The following GAB2 variants were observed in gnomAD, a reference collection of about 807,000 sequenced individuals.
GAB2 encodes GRB2-associated-binding protein 2.
Under a neutral mutation model 65.5 loss-of-function variants are expected in GAB2, and 26 were observed. The ratio of observed to expected loss-of-function variants is 0.40; its 90% CI spans 0.29 to 0.55. GAB2 has a LOEUF of 0.55. Among genes scored for constraint, GAB2 ranks in the 20% least tolerant of loss-of-function variants. The pLI, the probability that GAB2 is intolerant of heterozygous loss-of-function variation, is 0.53. For synonymous variants in GAB2, 321 were observed against 329.6 expected (o/e 0.97, Z 0.28); for missense variants, 884 against 875.8 (o/e 1.01, Z -0.12).
intron 7 of GAB2, 37 bp downstream of exon 7, chr11:78,222,068 C>A: frequency 7.2e-7 from 1 of 1,383,328 alleles, no homozygotes; most frequent in African/African-American, 1.4e-5. Context: ...CCTAATGGCC[C>A]GACTCCAAGC....
At chr11:78,324,876 A>C (rs1855794933) in intron 1 of GAB2, 1 of 152,192 alleles carries the variant, frequency 6.6e-6, no homozygotes. Flanking sequence ...GCTAATCTAA[A>C]GTCATTAATT....
In GAB2 at chr11:78,223,470, G is replaced by C. The variant is rs1308890517; in HGVS notation, c.1509C>G (p.Ser503Arg). The change falls in exon 6 of 10, where the codon AGC becomes AGG. Residue 503 changes from serine to arginine, a missense_variant. Physicochemically the swap from Ser to Arg is moderately radical, Grantham distance 110. Coordinates refer to ENST00000361507, the MANE Select transcript of GAB2 (RefSeq NM_080491.3). The stretch of plus-strand genomic sequence containing the variant: ...GGGGTGGCTGAATCTCACTTCCTCT[G>C]CTGGGGCCTCGGTGCACAGGAAGGG... ...STTLPVHRGP[S>R]RGSEIQPPPV... 1.4e-5 allele frequency: 23 copies of C among 1,598,546 alleles called. No homozygotes were observed. In the East Asian group the frequency reaches 5.2e-4, roughly 36 times the overall value.
Position 78,339,089 on chromosome 11 carries a change from AT to A in GAB2, c.76-58189del, listed in dbSNP as rs1355253830. Among the ~76,000 whole-genome samples the A allele has an allele frequency of 4.7e-5, 7 of 149,916 alleles. No homozygotes were observed. The South Asian group carries it at 6.4e-4, about 14-fold the overall frequency. Reference sequence around the variant, plus strand: ...AGGCATGTGTCACCACACCCAGCTAATTTTTTTTTTATTTTTAGTAGAGATA... The same window carrying A: ...AGGCATGTGTCACCACACCCAGCTAATTTTTTTTTATTTTTAGTAGAGATA... On this transcript the variant is annotated intron_variant, in intron 1 of 9. Transcript: ENST00000361507.
intron 1 of GAB2, among the ~76,000 whole-genome samples, chr11:78,410,105 C>G (rs1162228756): frequency 6.6e-6 from 1 of 152,064 alleles, no homozygotes; most frequent in Non-Finnish European, 1.5e-5. Context: ...TGCAATTTAT[C>G]AAAATTAGTG....
At chr11:78,352,106 G>C (rs975098302) in intron 1 of GAB2, among the ~76,000 whole-genome samples, 5 of 152,202 alleles carry the variant, frequency 3.3e-5, no homozygotes, top group African/African-American at 1.2e-4. Context: ...CCAGATACTT[G>C]GGAGGCTGAG....
intron 1 of GAB2, among the ~76,000 whole-genome samples, chr11:78,290,187 T>C (rs1267772993): frequency 3.9e-5 from 6 of 152,120 alleles, no homozygotes; most frequent in Non-Finnish European, 8.8e-5. Flanking sequence ...GCAATCTAAA[T>C]TAGGGTAGTA....
chr11:78,263,123 CTAATT>C (rs1320638862), intron 2 of GAB2, among the ~76,000 whole-genome samples: 1 of 152,176 alleles, frequency 6.6e-6, no homozygotes, highest in Non-Finnish European at 1.5e-5. Flanking sequence ...ATATTAGCAT[CTAATT>C]TAAGTTCATC....
At chr11:78,301,571 G>A (rs1229393042) in intron 1 of GAB2, among the ~76,000 whole-genome samples, 1 of 152,102 alleles carries the variant, frequency 6.6e-6, no homozygotes, top group Non-Finnish European at 1.5e-5. Context: ...GACTTCAGGT[G>A]ATCTGCCCAC....
At chr11:78,324,979 G>C (rs551597161) in intron 1 of GAB2, among the ~76,000 whole-genome samples, 1 of 152,282 alleles carries the variant, frequency 6.6e-6, no homozygotes, top group African/African-American at 2.4e-5. Flanking sequence ...CTTCGCAATG[G>C]TAGTCTGAAA....
chr11:78,240,590 C>T (rs780141633), intron 3 of GAB2, among the ~76,000 whole-genome samples: 14 of 151,896 alleles, frequency 9.2e-5, no homozygotes, highest in Non-Finnish European at 1.3e-4. Flanking sequence ...CTGCCATTCC[C>T]GGGTATTTGC....
chr11:78,256,466 A>G (rs1865598720), intron 2 of GAB2, among the ~76,000 whole-genome samples: 1 of 152,152 alleles, frequency 6.6e-6, no homozygotes, highest in Admixed American at 6.5e-5. Flanking sequence ...TGTGAAAAAG[A>G]TTAGTGGTTA....
chr11:78,341,125 T>TA (rs1479363621), intron 1 of GAB2, among the ~76,000 whole-genome samples: 1 of 152,228 alleles, frequency 6.6e-6, no homozygotes, highest in Non-Finnish European at 1.5e-5. Context: ...TATCTTACTT[T>TA]ACCCTGTACC....
At chr11:78,255,563 A>G (rs1296503801) in intron 2 of GAB2, among the ~76,000 whole-genome samples, 1 of 152,112 alleles carries the variant, frequency 6.6e-6, no homozygotes. Context: ...CCAACCCCCA[A>G]TTCTGATGAG....
At chr11:78,286,808 G>A (rs184984776) in intron 1 of GAB2, among the ~76,000 whole-genome samples, 344 of 152,284 alleles carry the variant, frequency 2.3e-3, no homozygotes, top group South Asian at 5.0e-3. Context: ...AGGGGGGTCT[G>A]GGAGCTTCAC....
intron 1 of GAB2, among the ~76,000 whole-genome samples, chr11:78,400,721 A>G (rs1409476627): frequency 6.6e-6 from 1 of 151,912 alleles, no homozygotes; most frequent in Non-Finnish European, 1.5e-5. Flanking sequence ...TGGTCAACAG[A>G]GCAAAACCCC....
intron 1 of GAB2, among the ~76,000 whole-genome samples, chr11:78,322,162 G>A (rs549591799): frequency 2.2e-4 from 34 of 151,306 alleles, no homozygotes; most frequent in South Asian, 1.5e-3. Flanking sequence ...AAAATTAGCC[G>A]GGCGTGGTGG....
At chr11:78,310,531 G>GA (rs886987958) in intron 1 of GAB2, among the ~76,000 whole-genome samples, 4,362 of 140,952 alleles carry the variant, frequency 0.031, 251 homozygotes, top group African/African-American at 0.11. Flanking sequence ...AAAAAAAAAA[G>GA]AAAAAAAAAT....
At chr11:78,275,210 G>T (rs2134574068) in intron 2 of GAB2, among the ~76,000 whole-genome samples, 1 of 152,214 alleles carries the variant, frequency 6.6e-6, no homozygotes, top group South Asian at 2.1e-4. Context: ...GATAAGAGTT[G>T]GGTAGCCCTT....
chr11:78,345,185 A>G (rs1297876640), intron 1 of GAB2, among the ~76,000 whole-genome samples: 2 of 152,208 alleles, frequency 1.3e-5, no homozygotes, highest in African/African-American at 4.8e-5. Flanking sequence ...AAGCTGAGGT[A>G]GGAGGATTCC....
Sources: gnomAD v4.1 joint callset for allele counts (sites outside exome capture counted in the v4.1 genomes callset) on GRCh38, gnomAD v4.1.1 for gene constraint, MANE v1.5 for transcripts, NCBI Gene and HGNC (gene_info 2026-07-23, HGNC 2026-07-21) for gene names.